COA1: variants seen among roughly 807,000 people sequenced by gnomAD.
COA1 encodes cytochrome c oxidase assembly factor 1 homolog.
A neutral mutation model predicts 16.0 loss-of-function variants in COA1; 13 were observed. That is an observed-to-expected ratio of 0.81 (90% CI 0.53 to 1.29). The LOEUF (loss-of-function observed/expected upper bound fraction) is 1.29, where lower values mean the gene tolerates loss of function less well. COA1 is among the 50% of genes most tolerant of loss of function. The pLI is 0.00. For synonymous variants in COA1, 65 were observed against 65.7 expected (o/e 0.99, Z 0.05); for missense variants, 179 against 177.0 (o/e 1.01, Z -0.06).
intron 6 of COA1, among the ~76,000 whole-genome samples, chr7:43,612,634 GAAGT>G (rs1422644679): frequency 5.3e-5 from 8 of 152,352 alleles, no homozygotes; most frequent in African/African-American, 1.9e-4. Context: ...CCCTGTGACA[GAAGT>G]TAGTTGGAAG....
intron 1 of COA1, among the ~76,000 whole-genome samples, chr7:43,684,940 T>C (rs2093949093): frequency 6.6e-6 from 1 of 151,584 alleles, no homozygotes; most frequent in Non-Finnish European, 1.5e-5. Flanking sequence ...GTGAAGAGAG[T>C]GAGAGATTCT....
chr7:43,627,992 G>A (rs186433909), intron 6 of COA1, among the ~76,000 whole-genome samples: 2 of 152,068 alleles, frequency 1.3e-5, no homozygotes, highest in Non-Finnish European at 2.9e-5. Flanking sequence ...TTTGTTTTGT[G>A]TTGTGTTGTT....
intron 1 of COA1, among the ~76,000 whole-genome samples, chr7:43,710,106 T>C (rs963927741): frequency 1.2e-4 from 18 of 151,842 alleles, no homozygotes; most frequent in African/African-American, 4.4e-4. Context: ...TCCCAGCACT[T>C]TGGGAGGCTG....
chr7:43,666,525 A>G (rs1486145215), intron 1 of COA1, among the ~76,000 whole-genome samples: 3 of 152,372 alleles, frequency 2.0e-5, no homozygotes, highest in East Asian at 3.9e-4. Flanking sequence ...AAAGAGCTCT[A>G]ATTGGCTTAA....
intron 1 of COA1, among the ~76,000 whole-genome samples, chr7:43,666,931 C>A (rs1452452394): frequency 6.6e-6 from 1 of 152,114 alleles, no homozygotes; most frequent in Non-Finnish European, 1.5e-5. Context: ...TGAAATAAAA[C>A]CATGGCAAGC....
Position 43,656,268 on chromosome 7 carries a change from G to C in COA1, c.-38-7616C>G, listed in dbSNP as rs2091689912. ...TACCTTTTACAATATCTTCTAAAAG[G>C]ATTTTTAAAAACCTCTTTCAGATAT... On this transcript the variant is annotated intron_variant, in intron 1 of 5. Transcript: ENST00000223336. 2 of 152,218 alleles carry C rather than the reference G, an allele frequency of 1.3e-5. 1 individual carries two copies. Among genetic ancestry groups the C allele is most frequent in the South Asian group, 4.1e-4 (2 of 4,836 alleles). The allele number at this position is 152,218 out of a possible 1,614,324, so 9.4% of individuals were successfully genotyped here.
chr7:43,639,802 A>G, intron 5 of COA1, 121 bp from the exon 6 acceptor site: 1 of 681,904 alleles, frequency 1.5e-6, no homozygotes, highest in Non-Finnish European at 2.5e-6. Flanking sequence ...TTTAAACATT[A>G]TTTTGTGCGA....
At chr7:43,621,912 C>T (rs767520225) in intron 6 of COA1, among the ~76,000 whole-genome samples, 2 of 152,160 alleles carry the variant, frequency 1.3e-5, no homozygotes, top group Non-Finnish European at 2.9e-5. Context: ...AGTCATTTTA[C>T]ATACACACAG....
At chr7:43,632,251 C>A in intron 6 of COA1, 1 of 161,046 alleles carries the variant, frequency 6.2e-6, no homozygotes, top group Non-Finnish European at 1.3e-5. Context: ...TGAGAAGGAA[C>A]TTCTCATCCA....
At chr7:43,631,921 A>G (rs2085213884) in intron 6 of COA1, 1 of 152,228 alleles carries the variant, frequency 6.6e-6, no homozygotes, top group South Asian at 2.1e-4. Context: ...TTAATTTAAA[A>G]GTACTTTTAA....
At chr7:43,644,766 G>GATAGATAGATAGATAGA (rs1563228993) in intron 4 of COA1, among the ~76,000 whole-genome samples, 4,580 of 80,530 alleles carry the variant, frequency 0.057, 208 homozygotes, top group Middle Eastern at 0.12. Context: ...AGATAGGCAG[G>GATAGATAGATAGATAGA]CAGGCAGGCA....
chr7:43,648,407 G>A (rs1285791652), intron 2 of COA1, 193 bp downstream of exon 2: 2 of 705,944 alleles, frequency 2.8e-6, no homozygotes, highest in African/African-American at 1.8e-5. Context: ...ACGCCAGCAT[G>A]AGACACGAGA....
intron 1 of COA1, among the ~76,000 whole-genome samples, chr7:43,689,646 A>T (rs1268894039): frequency 2.0e-5 from 3 of 152,214 alleles, no homozygotes; most frequent in African/African-American, 7.2e-5. Flanking sequence ...ATATTTTCTC[A>T]TTTTTAAGCT....
At chr7:43,658,173 G>A (rs894562351) in intron 1 of COA1, among the ~76,000 whole-genome samples, 2 of 151,886 alleles carry the variant, frequency 1.3e-5, no homozygotes, top group African/African-American at 2.4e-5. Context: ...TCAGGAGATC[G>A]AGACCATCCT....
chr7:43,652,176 T>TGAA (rs1391270401), intron 1 of COA1, among the ~76,000 whole-genome samples: 6 of 152,206 alleles, frequency 3.9e-5, no homozygotes, highest in Non-Finnish European at 8.8e-5. Flanking sequence ...TACAGGTACC[T>TGAA]GAAGCAGGAG....
intron 1 of COA1, chr7:43,650,665 C>T (rs1048549199): frequency 6.6e-6 from 1 of 152,114 alleles, no homozygotes; most frequent in Admixed American, 6.5e-5. Flanking sequence ...TCAGAAAGCC[C>T]TCGCCAGGAC....
intron 1 of COA1, among the ~76,000 whole-genome samples, chr7:43,693,798 T>C (rs114287530): frequency 1.8e-3 from 269 of 152,004 alleles, no homozygotes; most frequent in African/African-American, 6.2e-3. Context: ...CTCTACCTAA[T>C]CCGAACAAGT....
chr7:43,644,785 G>GAGAGAGAGAGAGA (rs1563229504), intron 4 of COA1, among the ~76,000 whole-genome samples: 1 of 107,304 alleles, frequency 9.3e-6, no homozygotes, highest in Non-Finnish European at 1.8e-5. Flanking sequence ...CAGGCAGGCA[G>GAGAGAGAGAGAGA]GCAGGCAGAG....
At chr7:43,694,984 CT>C (rs969170729) in intron 1 of COA1, among the ~76,000 whole-genome samples, 2 of 150,358 alleles carry the variant, frequency 1.3e-5, no homozygotes, top group African/African-American at 4.9e-5. Flanking sequence ...AAACTTTGTA[CT>C]TTTTCTCTCA....
Sources: allele counts gnomAD v4.1 joint callset (sites outside exome capture counted in the v4.1 genomes callset), GRCh38; gene constraint gnomAD v4.1.1; transcripts MANE v1.5; gene names NCBI Gene and HGNC (gene_info 2026-07-23, HGNC 2026-07-21).